The following USP36 variants were observed in gnomAD, a reference collection of about 807,000 sequenced individuals.
USP36 encodes the protein ubiquitin carboxyl-terminal hydrolase 36.
A neutral mutation model predicts 111.5 loss-of-function variants in USP36; 59 were observed. The observed-to-expected ratio is 0.53, with a 90% CI of 0.43 to 0.66. USP36 has a LOEUF of 0.66. Among genes scored for constraint, USP36 ranks in the 30% least tolerant of loss-of-function variants. The pLI, the probability that USP36 is intolerant of heterozygous loss-of-function variation, is 0.00. For synonymous variants in USP36, 628 were observed against 581.0 expected, an observed-to-expected ratio of 1.08 and a Z score of -1.16; for missense variants, 1,488 against 1,468.0, an observed-to-expected ratio of 1.01 and a Z score of -0.22.
At chr17:78,820,520 A>C (rs2094293950) in intron 8 of USP36, among the ~76,000 whole-genome samples, 1 of 152,136 alleles carries the variant, frequency 6.6e-6, no homozygotes, top group African/African-American at 2.4e-5. Flanking sequence ...GTCTGCCATG[A>C]ATCAGTCACT....
At chr17:78,826,262 G>A (rs1246171459) in intron 6 of USP36, among the ~76,000 whole-genome samples, 1 of 152,202 alleles carries the variant, frequency 6.6e-6, no homozygotes, top group Admixed American at 6.5e-5. Flanking sequence ...AGGAATGGTG[G>A]CTCATGCCTG....
chr17:78,827,073 C>T, intron 6 of USP36, 172 bp downstream of exon 6: 1 of 753,738 alleles, frequency 1.3e-6, no homozygotes, highest in Non-Finnish European at 2.3e-6. Context: ...CAAGGGCAAT[C>T]CCCTATTTGG....
Position 78,820,952 on chromosome 17 carries a change from T to A in USP36, c.828+39A>T, listed in dbSNP as rs1014444558. On this transcript the variant is annotated intron_variant, in intron 8 of 20. Transcript: ENST00000449938. ...GTTCTGTTTCACCCTCTGGCCTCGCTCTCCTACTGCAAAAGTGAAGGGCAG... is the reference window on the plus strand; with the variant it reads ...GTTCTGTTTCACCCTCTGGCCTCGCACTCCTACTGCAAAAGTGAAGGGCAG... 5 of 1,587,876 alleles carry A rather than the reference T, an allele frequency of 3.1e-6. No homozygotes were observed. The Admixed American group carries it at 8.8e-5, about 28-fold the overall frequency.
At position 78,807,387 on chromosome 17, in the gene USP36, G is replaced by A. The variant is rs1359490985; in HGVS notation, c.1657C>T (p.Leu553=). The A allele has an allele frequency of 5.6e-6, 9 of 1,614,096 alleles. No homozygotes were observed. The highest frequency in any genetic ancestry group is 2.2e-5 in the East Asian group (1 of 44,898). ...CTATTCGAGTTGCTGGTCCCAGGCA[G>A]CCCCTGAGCAGTTCTGGGGGAAAAG... ...QHFSPRTAQG[L]PGTSNSNSSR... The change falls in exon 14 of 21, where the codon CTG becomes TTG. Residue 553 remains leucine, a synonymous_variant. Coordinates refer to ENST00000449938, the MANE Select transcript of USP36 (RefSeq NM_001385174.1).
chr17:78,829,336 G>C (rs1403855240), intron 4 of USP36, among the ~76,000 whole-genome samples: 1 of 152,166 alleles, frequency 6.6e-6, no homozygotes, highest in Non-Finnish European at 1.5e-5. Flanking sequence ...CTTATAAAAA[G>C]ACTAAGGCAG....
rs1339100341 is a variant in USP36, at chr17:78,802,444, C to A, written c.2902G>T (p.Ala968Ser). The stretch of plus-strand genomic sequence containing the variant: ...TTGAGATGCCCATCCTCTTCTACTG[C>A]CCGCTGTGTCTCCTGCTTTCTTTTT... ...KKKRKQETQR[A>S]VEEDGHLKCP... Residue 968 changes from alanine (A) to serine (S), a missense_variant, in exon 17 of 21, where the codon GCA becomes TCA. By Grantham distance (99) the Ala-to-Ser change is moderately conservative. Coordinates refer to ENST00000449938, the MANE Select transcript of USP36 (RefSeq NM_001385174.1). 3.7e-6 allele frequency: 6 copies of A among 1,610,966 alleles called. No homozygotes were observed. Among genetic ancestry groups the A allele is most frequent in the Non-Finnish European group, 5.1e-6 (6 of 1,179,154 alleles).
chr17:78,814,020 G>A (rs970861203), intron 11 of USP36, 147 bp from the exon 12 acceptor site: 28 of 734,472 alleles, frequency 3.8e-5, no homozygotes, highest in East Asian at 2.7e-5. Flanking sequence ...CTATTAAAAC[G>A]TGTAATATTT....
Position 78,798,344 on chromosome 17 carries a change from C to T in USP36, c.*20+56G>A. On this transcript the variant is annotated intron_variant, in intron 20 of 20. Transcript: ENST00000449938. The surrounding 1 kb of genome is among the most constrained non-coding windows in gnomAD (Gnocchi z 5.1). ...CCACACCCCACCACACCCCTACACA[C>T]ATACACGGCACACACACCCCCACCT... The T allele has an allele frequency of 1.3e-6, 2 of 1,599,202 alleles. No homozygotes were observed. The highest frequency in any genetic ancestry group is 1.7e-6 in the Non-Finnish European group (2 of 1,174,898).
At chr17:78,813,914 C>G in intron 11 of USP36, 41 bp from the exon 12 acceptor site, 5 of 1,558,342 alleles carry the variant, frequency 3.2e-6, no homozygotes, top group Non-Finnish European at 4.4e-6. Flanking sequence ...AAACAATCAA[C>G]AAGCATCCCA....
At chr17:78,789,263 A>T (rs1359780966) in intron 3 of USP36, among the ~76,000 whole-genome samples, 1 of 151,380 alleles carries the variant, frequency 6.6e-6, no homozygotes, top group Non-Finnish European at 1.5e-5. Flanking sequence ...CACTTGCCCA[A>T]TCACTGTGTG....
At chr17:78,835,526 G>A (rs1423809136) in intron 3 of USP36, 25 bp from the exon 4 acceptor site, 1 of 1,566,474 alleles carries the variant, frequency 6.4e-7, no homozygotes, top group East Asian at 2.4e-5. Context: ...GACAAGGGAA[G>A]AAAAGAGGAA....
chr17:78,832,276 C>G (rs1006276879), intron 4 of USP36, among the ~76,000 whole-genome samples: 1 of 152,208 alleles, frequency 6.6e-6, no homozygotes, highest in Non-Finnish European at 1.5e-5. Flanking sequence ...ACAGTGGACC[C>G]TCGTCAGAAC....
upstream of USP36, chr17:78,840,886 CT>C (rs2069236925): frequency 6.6e-6 from 1 of 152,334 alleles, no homozygotes; most frequent in Non-Finnish European, 1.5e-5. Flanking sequence ...TCGCGCTGCG[CT>C]AACTCCGAAA....
Position 78,798,270 on chromosome 17 carries a change from C to A in USP36, c.*20+130G>T. The A allele has an allele frequency of 1.6e-6, 2 of 1,262,950 alleles. No homozygotes were observed. The highest frequency in any genetic ancestry group is 1.4e-5 in the South Asian group (1 of 69,440). The allele number at this position is 1,262,950 out of a possible 1,614,324, so 78.2% of individuals were successfully genotyped here. A position where few individuals can be genotyped will look rare whatever the true frequency, so the allele number is the denominator to read the frequency against. On this transcript the variant is annotated intron_variant, in intron 20 of 20. Coordinates refer to ENST00000449938, the MANE Select transcript of USP36 (RefSeq NM_001385174.1). The surrounding 1 kb of genome is among the most constrained non-coding windows in gnomAD (Gnocchi z 5.1). ...GACGCGCCCACACCACACACACCAC[C>A]CAACACACATGTGCCAGATACACAG... is the stretch of plus-strand genomic sequence containing the variant.
chr17:78,802,655 G>A (rs1197618370), intron 16 of USP36, 120 bp from the exon 17 acceptor site: 4 of 955,798 alleles, frequency 4.2e-6, no homozygotes, highest in Non-Finnish European at 4.6e-6. Flanking sequence ...AGTGCACGCA[G>A]GTCCCTGCAA....
At chr17:78,810,537 C>T (rs967837036) in intron 13 of USP36, among the ~76,000 whole-genome samples, 15 of 152,206 alleles carry the variant, frequency 9.9e-5, no homozygotes, top group Middle Eastern at 3.4e-3. Flanking sequence ...ACATCGGCTT[C>T]CCAAAGTGTT....
intron 10 of USP36, among the ~76,000 whole-genome samples, chr17:78,817,718 T>G (rs2094220108): frequency 6.9e-6 from 1 of 145,932 alleles, no homozygotes; most frequent in Admixed American, 7.0e-5. Context: ...AGCCTGGGCA[T>G]CAGAGCAAGA....
intron 2 of USP36, among the ~76,000 whole-genome samples, chr17:78,837,189 TA>T (rs1250770603): frequency 6.6e-6 from 1 of 152,218 alleles, no homozygotes; most frequent in Admixed American, 6.5e-5. Flanking sequence ...TGGCTTGTAT[TA>T]ATCTCCATTA....
intron 6 of USP36, chr17:78,827,002 G>A (rs886845377): frequency 6.1e-6 from 4 of 653,762 alleles, no homozygotes; most frequent in East Asian, 2.7e-5. Flanking sequence ...ACAGCCACCC[G>A]ATCCTACCAA....
Sources: gnomAD v4.1 joint callset for allele counts (sites outside exome capture counted in the v4.1 genomes callset) on GRCh38, gnomAD v4.1.1 for gene constraint, Gnocchi (gnomAD v3.1) non-coding constraint, MANE v1.5 for transcripts, NCBI Gene and HGNC (gene_info 2026-07-23, HGNC 2026-07-21) for gene names.